The following RNF220 variants were observed in gnomAD, a reference collection of about 807,000 sequenced individuals.
RNF220 encodes the protein ring finger protein 220.
In RNF220, 7 loss-of-function variants were observed where a neutral mutation model predicts 67.1. The observed-to-expected ratio is 0.10, with a 90% confidence interval of 0.06 to 0.20. RNF220 has a LOEUF of 0.20. Among genes scored for constraint, RNF220 ranks in the 10% least tolerant of loss-of-function variants. RNF220 has a pLI of 1.00. For missense variants in RNF220, 565 were observed against 740.3 expected, an observed-to-expected ratio of 0.76 and a Z score of 2.75; for synonymous variants, 270 against 283.2, an observed-to-expected ratio of 0.95 and a Z score of 0.47.
chr1:44,484,712 T>C (rs1656128353), intron 2 of RNF220, among the ~76,000 whole-genome samples: 1 of 152,168 alleles, frequency 6.6e-6, no homozygotes, highest in South Asian at 2.1e-4. Flanking sequence ...TCTGATTGTC[T>C]CTCTTCAACC....
At position 44,582,221 on chromosome 1, in the gene RNF220, A is replaced by G. The variant is rs183033660; in HGVS notation, c.626-31944A>G. On this transcript the variant is annotated intron_variant, in intron 2 of 14. Transcript: ENST00000361799. The stretch of plus-strand genomic sequence containing the variant: ...TAAGCTTGGATGAGGGGAACGGGAA[A>G]GAGATGCACCCTAAGGCAAAGCCTG... Among the ~76,000 whole-genome samples the G allele has an allele frequency of 1.1e-4, 16 of 152,332 alleles. No individual in the cohort carries two copies. In the East Asian group the frequency reaches 2.7e-3, roughly 26 times the overall value.
At chr1:44,465,045 G>A (rs1233411045) in intron 2 of RNF220, among the ~76,000 whole-genome samples, 1 of 152,010 alleles carries the variant, frequency 6.6e-6, no homozygotes, top group Non-Finnish European at 1.5e-5. Flanking sequence ...CCTTACACAG[G>A]GTCTGACACA....
intron 2 of RNF220, among the ~76,000 whole-genome samples, chr1:44,448,790 C>A (rs1320193440): frequency 6.6e-6 from 1 of 152,158 alleles, no homozygotes; most frequent in Non-Finnish European, 1.5e-5. Context: ...ATTCAAAATA[C>A]CGGATTACAG....
chr1:44,470,823 T>C (rs1030143758), intron 2 of RNF220, among the ~76,000 whole-genome samples: 5 of 152,210 alleles, frequency 3.3e-5, no homozygotes, highest in South Asian at 2.1e-4. Context: ...TCCTATTTCT[T>C]CCCTTCCTAT....
intron 2 of RNF220, among the ~76,000 whole-genome samples, chr1:44,557,998 C>T (rs1308809964): frequency 1.3e-5 from 2 of 152,332 alleles, no homozygotes; most frequent in East Asian, 3.9e-4. Context: ...AGCTGGGCAC[C>T]TCAAGGAACA....
In RNF220 at chr1:44,632,403, C is replaced by CCAGGCCA; in HGVS notation, c.949+19_949+20insAGGCCAC. The stretch of plus-strand genomic sequence containing the variant: ...ACTGAATGGTGAGTCCTGCCCGGCC[C>CCAGGCCA]CTCCCTCCGCCCCACCCCCGGCCTC... On this transcript the variant is annotated intron_variant, in intron 6 of 14. Coordinates refer to ENST00000361799, the MANE Select transcript of RNF220 (RefSeq NM_018150.4). The CCAGGCCA allele has an allele frequency of 6.2e-7, 1 of 1,604,564 alleles. No homozygotes were observed.
intron 2 of RNF220, among the ~76,000 whole-genome samples, chr1:44,596,297 C>T (rs891712266): frequency 2.0e-5 from 3 of 152,104 alleles, no homozygotes; most frequent in African/African-American, 4.8e-5. Flanking sequence ...TGCGGTGGCT[C>T]ATGCCTGTAA....
At chr1:44,426,261 G>A (rs1649760980) in intron 2 of RNF220, among the ~76,000 whole-genome samples, 1 of 152,196 alleles carries the variant, frequency 6.6e-6, no homozygotes, top group African/African-American at 2.4e-5. Flanking sequence ...TCAAGTCGAA[G>A]AGGGCTTTCT....
intron 1 of RNF220, among the ~76,000 whole-genome samples, chr1:44,407,843 AC>A (rs1056351767): frequency 3.3e-5 from 5 of 151,856 alleles, no homozygotes; most frequent in African/African-American, 1.2e-4. Context: ...GACCCGGGTG[AC>A]CCCCGGGGCG....
At chr1:44,607,725 G>C (rs754726381) in intron 2 of RNF220, among the ~76,000 whole-genome samples, 1 of 151,764 alleles carries the variant, frequency 6.6e-6, no homozygotes, top group Non-Finnish European at 1.5e-5. Context: ...TCCTGACCTC[G>C]TGATCCGCCC....
At chr1:44,527,012 G>A (rs991011404) in intron 2 of RNF220, among the ~76,000 whole-genome samples, 6 of 151,824 alleles carry the variant, frequency 4.0e-5, no homozygotes, top group Non-Finnish European at 7.4e-5. Flanking sequence ...CTGCTTCCCA[G>A]AGTACACTGC....
At chr1:44,583,440 C>G (rs1037609421) in intron 2 of RNF220, among the ~76,000 whole-genome samples, 1 of 152,214 alleles carries the variant, frequency 6.6e-6, no homozygotes, top group African/African-American at 2.4e-5. Context: ...CAAACAGATA[C>G]TAGAAATCTG....
At chr1:44,413,561 T>C (rs1648215609) in intron 2 of RNF220, among the ~76,000 whole-genome samples, 1 of 152,250 alleles carries the variant, frequency 6.6e-6, no homozygotes, top group Admixed American at 6.5e-5. Flanking sequence ...TCTTTTGCTC[T>C]AATATAATCA....
intron 2 of RNF220, among the ~76,000 whole-genome samples, chr1:44,476,539 A>C (rs568565715): frequency 6.6e-6 from 1 of 152,036 alleles, no homozygotes; most frequent in Admixed American, 6.5e-5. Flanking sequence ...TCCTTAGGAG[A>C]AGATCTCCAG....
At chr1:44,623,215 G>A (rs1206731054) in intron 4 of RNF220, among the ~76,000 whole-genome samples, 1 of 151,964 alleles carries the variant, frequency 6.6e-6, no homozygotes, top group Non-Finnish European at 1.5e-5. Flanking sequence ...GAATGTGCAG[G>A]TGTGTGCGTG....
intron 2 of RNF220, among the ~76,000 whole-genome samples, chr1:44,446,189 T>G (rs1652062386): frequency 6.6e-6 from 1 of 152,248 alleles, no homozygotes; most frequent in Admixed American, 6.5e-5. Flanking sequence ...ATCCATCTCA[T>G]GAAGATGAAA....
chr1:44,465,941 G>A (rs774181646), intron 2 of RNF220, among the ~76,000 whole-genome samples: 25 of 151,752 alleles, frequency 1.6e-4, no homozygotes, highest in African/African-American at 5.6e-4. Flanking sequence ...GCTTAAGGTT[G>A]GCGTAGCTGT....
At chr1:44,632,948 T>C (rs1342944758) in intron 6 of RNF220, 1 of 156,342 alleles carries the variant, frequency 6.4e-6, no homozygotes, top group Admixed American at 6.1e-5. Context: ...AAGCAGGCCG[T>C]GTATGCACTA....
chr1:44,634,480 T>G (rs1371870671), intron 6 of RNF220, among the ~76,000 whole-genome samples: 1 of 152,176 alleles, frequency 6.6e-6, no homozygotes, highest in African/African-American at 2.4e-5. Flanking sequence ...CCTCCTAGAT[T>G]GCATTCATGA....
Sources: allele counts gnomAD v4.1 joint callset (sites outside exome capture counted in the v4.1 genomes callset), GRCh38; gene constraint gnomAD v4.1.1; transcripts MANE v1.5; gene names NCBI Gene and HGNC (gene_info 2026-07-23, HGNC 2026-07-21).